KL: variants seen among roughly 807,000 people sequenced by gnomAD.
KL encodes the protein alpha-klotho.
A neutral mutation model predicts 84.2 loss-of-function variants in KL; 62 were observed. That is an observed-to-expected ratio of 0.74 (90% CI 0.60 to 0.91). The LOEUF (loss-of-function observed/expected upper bound fraction) is 0.91, where lower values mean the gene tolerates loss of function less well. Ranked by LOEUF, KL falls within the 40% of genes least tolerant of loss-of-function variation. The pLI is 0.00. For synonymous variants in KL, 528 were observed against 528.0 expected (o/e 1.00, Z 0.00); for missense variants, 1,261 against 1,305.7 (o/e 0.97, Z 0.53).
chr13:33,052,333 T>C (rs920869428), intron 1 of KL, among the ~76,000 whole-genome samples: 2 of 152,028 alleles, frequency 1.3e-5, no homozygotes, highest in African/African-American at 2.4e-5. Flanking sequence ...GGAGGTGTGA[T>C]GGGGAAGATG....
chr13:33,045,636 A>G (rs1332992420), intron 1 of KL, among the ~76,000 whole-genome samples: 1 of 151,996 alleles, frequency 6.6e-6, no homozygotes, highest in African/African-American at 2.4e-5. Flanking sequence ...GCCTGCCACC[A>G]CACCGACTAA....
In KL at chr13:33,049,638, G is replaced by A. The variant is rs142239308; in HGVS notation, c.820-4129G>A. ...TTAGAGAGCTGCACCTCCAAAGCAT[G>A]GAAGGCTAGATAATCTTAGAACTTC... is the stretch of plus-strand genomic sequence containing the variant. On this transcript the variant is annotated intron_variant, in intron 1 of 4. Coordinates refer to ENST00000380099, the MANE Select transcript of KL (RefSeq NM_004795.4). Among the ~76,000 whole-genome samples, 152 of 152,256 alleles carry A rather than the reference G, an allele frequency of 1.0e-3. 1 individual carries two copies. The highest frequency in any genetic ancestry group is 3.6e-3 in the African/African-American group (149 of 41,546).
chr13:33,018,832 C>T (rs1432720011), intron 1 of KL, among the ~76,000 whole-genome samples: 4 of 152,076 alleles, frequency 2.6e-5, no homozygotes, highest in African/African-American at 9.7e-5. Context: ...TTTAGAGTCC[C>T]TAGGATAAAC....
At chr13:33,022,374 G>A (rs118050) in intron 1 of KL, among the ~76,000 whole-genome samples, 47,972 of 151,948 alleles carry the variant, frequency 0.32, 8,737 homozygotes, top group Admixed American at 0.44. Context: ...AATGAATGTT[G>A]TCTTTTTGAG....
At chr13:33,062,329 A>G (rs1443963344) in intron 4 of KL, among the ~76,000 whole-genome samples, 1 of 151,734 alleles carries the variant, frequency 6.6e-6, no homozygotes, top group East Asian at 1.9e-4. Flanking sequence ...GCAGTGAATC[A>G]TGATCACAGC....
Position 33,064,601 on chromosome 13 carries a change from G to T in KL, c.*415G>T. The T allele has an allele frequency of 3.9e-6, 1 of 254,392 alleles. No homozygotes were observed. Among genetic ancestry groups the T allele is most frequent in the Non-Finnish European group, 7.6e-6 (1 of 131,342 alleles). The allele number at this position is 254,392 out of a possible 1,614,324, so 15.8% of individuals were successfully genotyped here. ...GTTCGAATAGAAAGTTATGTACCAA[G>T]TAACCATTTCTCAGCTGCCATAATA... On this transcript the variant is annotated 3_prime_UTR_variant, in exon 5 of 5. Coordinates refer to ENST00000380099, the MANE Select transcript of KL (RefSeq NM_004795.4).
At chr13:33,048,697 C>A (rs1871630304) in intron 1 of KL, among the ~76,000 whole-genome samples, 1 of 152,210 alleles carries the variant, frequency 6.6e-6, no homozygotes, top group Non-Finnish European at 1.5e-5. Flanking sequence ...TTTGCCTCAG[C>A]CATACCTAGA....
intron 1 of KL, among the ~76,000 whole-genome samples, chr13:33,020,936 G>A (rs905461304): frequency 2.6e-5 from 4 of 152,176 alleles, no homozygotes; most frequent in African/African-American, 9.7e-5. Context: ...CGCTCCCTTG[G>A]GCCCCATGCC....
chr13:33,032,875 C>G (rs1871022957), intron 1 of KL, among the ~76,000 whole-genome samples: 1 of 152,106 alleles, frequency 6.6e-6, no homozygotes. Flanking sequence ...TTAGAAACTA[C>G]CTCCTACAGG....
intron 1 of KL, among the ~76,000 whole-genome samples, chr13:33,039,158 C>A (rs17078472): frequency 0.02 from 3,012 of 152,104 alleles, 100 homozygotes; most frequent in East Asian, 0.076. Context: ...ATTTAATAAG[C>A]TATATTTGTC....
chr13:33,051,596 G>A (rs932344637), intron 1 of KL, among the ~76,000 whole-genome samples: 4 of 152,132 alleles, frequency 2.6e-5, no homozygotes, highest in African/African-American at 4.8e-5. Flanking sequence ...GACCATATAT[G>A]TCTTTCCTTA....
intron 1 of KL, among the ~76,000 whole-genome samples, chr13:33,041,692 G>T (rs1179312873): frequency 6.6e-6 from 1 of 152,054 alleles, no homozygotes; most frequent in Non-Finnish European, 1.5e-5. Context: ...CTGAGTCTAT[G>T]CTCTCATCAC....
rs978168705 is a variant in KL at position 33,016,432 on chromosome 13, C to T, written c.-9C>T. The T allele has an allele frequency of 4.3e-3, 4,153 of 959,632 alleles. 10 individuals are homozygous for T. Among genetic ancestry groups the T allele is most frequent in the Non-Finnish European group, 4.8e-3 (3,869 of 809,232 alleles). 59.4% of individuals were successfully genotyped at this position (959,632 alleles called of 1,614,324 possible). Reference sequence around the variant, plus strand: ...GGCGCGGGGCCCCGGAGCCTGGCTCCCGCGCAGCATGCCCGCCAGCGCCCC... The same window carrying T: ...GGCGCGGGGCCCCGGAGCCTGGCTCTCGCGCAGCATGCCCGCCAGCGCCCC... On this transcript the variant is annotated 5_prime_UTR_variant, in exon 1 of 5. Transcript: ENST00000380099.
chr13:33,055,428 A>G (rs1871923408), intron 3 of KL, 113 bp downstream of exon 3: 1 of 1,382,888 alleles, frequency 7.2e-7, no homozygotes, highest in Admixed American at 1.8e-5. Context: ...TGAGCCAAAA[A>G]CAATTCCTTA....
intron 1 of KL, among the ~76,000 whole-genome samples, chr13:33,039,857 G>A (rs1317409436): frequency 6.6e-6 from 1 of 152,144 alleles, no homozygotes; most frequent in Non-Finnish European, 1.5e-5. Context: ...GGGAAGTGAT[G>A]CTGTTTACAT....
At chr13:33,032,929 C>T (rs921743312) in intron 1 of KL, among the ~76,000 whole-genome samples, 2 of 151,786 alleles carry the variant, frequency 1.3e-5, no homozygotes, top group African/African-American at 4.9e-5. Context: ...TCTTTCCTTC[C>T]TCTGAATCGC....
intron 1 of KL, among the ~76,000 whole-genome samples, chr13:33,023,306 A>G (rs567323419): frequency 1.3e-5 from 2 of 152,212 alleles, no homozygotes; most frequent in East Asian, 1.9e-4. Flanking sequence ...ATATATGTCA[A>G]CGTGTTTTGA....
intron 1 of KL, among the ~76,000 whole-genome samples, chr13:33,046,060 A>C (rs1439272438): frequency 6.6e-6 from 1 of 152,160 alleles, no homozygotes. Context: ...ATTTGGTTGC[A>C]TTCTTTTGCA....
At position 33,061,149 on chromosome 13, in the gene KL, G is replaced by A. The variant is rs762783359; in HGVS notation, c.2070G>A (p.Pro690=). 99 of 1,614,118 alleles carry A rather than the reference G, an allele frequency of 6.1e-5. No homozygotes were observed. Among genetic ancestry groups the A allele is most frequent in the Non-Finnish European group, 7.6e-5 (90 of 1,180,060 alleles). ...AGCTTTGGATAACGATGAATGAGCC[G>A]TATACAAGGAATATGACATACAGTG... ...HVKLWITMNE[P]YTRNMTYSAG... Residue 690 remains proline (P), a synonymous_variant, in exon 4 of 5, where the codon CCG becomes CCA. Coordinates refer to ENST00000380099, the MANE Select transcript of KL (RefSeq NM_004795.4).
Sources: gnomAD v4.1 joint callset for allele counts (sites outside exome capture counted in the v4.1 genomes callset) on GRCh38, gnomAD v4.1.1 for gene constraint, MANE v1.5 for transcripts, NCBI Gene and HGNC (gene_info 2026-07-23, HGNC 2026-07-21) for gene names.